Variants in MIER2 observed in about 807,000 individuals in gnomAD.
The protein encoded by MIER2 is MIER family member 2.
A neutral mutation model predicts 67.6 loss-of-function variants in MIER2; 30 were observed. The ratio of observed to expected loss-of-function variants is 0.44; its 90% CI spans 0.33 to 0.60. MIER2 has a LOEUF of 0.60. Among genes scored for constraint, MIER2 ranks in the 20% least tolerant of loss-of-function variants. The pLI, the probability that MIER2 is intolerant of heterozygous loss-of-function variation, is 0.02. For synonymous variants in MIER2, 372 were observed against 312.6 expected, an observed-to-expected ratio of 1.19 and a Z score of -2.00; for missense variants, 702 against 745.1, an observed-to-expected ratio of 0.94 and a Z score of 0.67.
chr19:343,188 C>T (rs1180318618), intron 1 of MIER2, among the ~76,000 whole-genome samples: 1 of 152,226 alleles, frequency 6.6e-6, no homozygotes, highest in Non-Finnish European at 1.5e-5. Context: ...TGCACATTTA[C>T]GGAGCTCAGC....
intron 3 of MIER2, among the ~76,000 whole-genome samples, chr19:333,937 G>A (rs564118017): frequency 1.3e-5 from 2 of 151,592 alleles, no homozygotes; most frequent in African/African-American, 2.4e-5. Flanking sequence ...TGTGATCCGC[G>A]CACCTCGGCC....
chr19:310,734 T>TAGAAACACGGCCCGGAGCTGC (rs1970958294), intron 10 of MIER2, among the ~76,000 whole-genome samples: 1 of 112,684 alleles, frequency 8.9e-6, no homozygotes, highest in African/African-American at 4.3e-5. Context: ...CCCGGAGCTG[T>TAGAAACACGGCCCGGAGCTGC]AGAAACACAG....
intron 10 of MIER2, among the ~76,000 whole-genome samples, chr19:309,276 G>A (rs561921887): frequency 1.7e-4 from 26 of 152,124 alleles, no homozygotes; most frequent in African/African-American, 4.6e-4. Flanking sequence ...CATGAGCCAC[G>A]GGCCAGTTGC....
Position 307,172 on chromosome 19 carries a change from C to G in MIER2, c.1563G>C (p.Leu521=), listed in dbSNP as rs1291675891. 6.3e-7 allele frequency: 1 copy of G among 1,588,572 alleles called. No homozygotes were observed. Among genetic ancestry groups the G allele is most frequent in the Admixed American group, 1.8e-5 (1 of 56,272 alleles). ...GGGCCGGGCACGTGGGGTGGGCGGC[C>G]AGGAAGGGGTTCACGTCCCCAATGC... ...LIGIGDVNPF[L]AAHPTCPAPG... is the part of the protein sequence containing the mutation. The change falls in exon 13 of 14, where the codon CTG becomes CTC. Residue 521 remains leucine, a synonymous_variant. Coordinates refer to ENST00000264819, the MANE Select transcript of MIER2 (RefSeq NM_017550.3).
chr19:312,366 G>A (rs182214167), intron 8 of MIER2, 94 bp from the exon 9 acceptor site: 52 of 1,220,602 alleles, frequency 4.3e-5, no homozygotes, highest in African/African-American at 3.9e-4. Flanking sequence ...ATCAGGGGCC[G>A]TCCACACCAC....
At chr19:316,405 G>A (rs1238403769) in intron 7 of MIER2, among the ~76,000 whole-genome samples, 1 of 151,986 alleles carries the variant, frequency 6.6e-6, no homozygotes, top group Non-Finnish European at 1.5e-5. Context: ...CGATTCTCCT[G>A]CCTCAGCCTC....
Position 324,422 on chromosome 19 carries a change from C to G in MIER2, c.655+1213G>C, listed in dbSNP as rs1181418966. On this transcript the variant is annotated intron_variant, in intron 7 of 13. Transcript: ENST00000264819. ...AGGCGTCATCACAATGCAATAAAGA[C>G]ACACACAACCACGCAGACGACTCGA... 2.7e-5 allele frequency among the ~76,000 whole-genome samples: 3 copies of G among 111,612 alleles called. 1 individual carries two copies. Among genetic ancestry groups the G allele is most frequent in the Non-Finnish European group, 5.3e-5 (3 of 56,440 alleles). 73.2% of individuals were successfully genotyped at this position (111,612 alleles called of 152,430 possible).
chr19:314,689 A>T (rs575690309), intron 7 of MIER2, among the ~76,000 whole-genome samples: 15 of 152,044 alleles, frequency 9.9e-5, no homozygotes, highest in Admixed American at 4.6e-4. Flanking sequence ...CACAGGCGAC[A>T]CCTGAGCCCT....
At chr19:325,847 C>G (rs750624153) in intron 6 of MIER2, 143 bp from the exon 7 acceptor site, 2 of 866,666 alleles carry the variant, frequency 2.3e-6, no homozygotes, top group African/African-American at 3.3e-5. Context: ...CCTGCTGATG[C>G]CCAGTTCTGG....
chr19:326,359 G>A (rs946654969), intron 6 of MIER2, 148 bp downstream of exon 6: 5 of 689,636 alleles, frequency 7.3e-6, no homozygotes, highest in South Asian at 3.3e-5. Context: ...GCAGAGCCAC[G>A]GCCGGGATGC....
chr19:330,538 C>A (rs1486494022), intron 3 of MIER2, among the ~76,000 whole-genome samples: 1 of 149,126 alleles, frequency 6.7e-6, no homozygotes, highest in Non-Finnish European at 1.5e-5. Context: ...GACAGCGAGA[C>A]CCTGTCTCAA....
chr19:316,794 C>T (rs564419462), intron 7 of MIER2, among the ~76,000 whole-genome samples: 13 of 151,992 alleles, frequency 8.6e-5, no homozygotes, highest in African/African-American at 3.1e-4. Flanking sequence ...CACAGTGACA[C>T]CTCATCCCTA....
At position 336,095 on chromosome 19, in the gene MIER2, G is replaced by A. The variant is rs1972242272; in HGVS notation, c.88C>T (p.Gln30Ter). Residue 30 changes from glutamine (Q) to a stop codon, truncating the protein, a stop_gained, in exon 2 of 14, where the codon CAG becomes TAG. Transcript: ENST00000264819. LOFTEE classifies it high-confidence loss of function. ...HSLCPGEPGL[Q>*]TTAVVSMGSG... ...GGGAGGAAGGTACCTGCTGTTGTCT[G>A]CAAGCCCGGCTCCCCTGGGCACAGG... 6.2e-7 allele frequency: 1 copy of A among 1,613,772 alleles called. No individual in the cohort carries two copies. The highest frequency in any genetic ancestry group is 1.1e-5 in the South Asian group (1 of 91,038).
At chr19:317,104 C>T (rs1971267372) in intron 7 of MIER2, among the ~76,000 whole-genome samples, 1 of 152,132 alleles carries the variant, frequency 6.6e-6, no homozygotes. Context: ...AATTAAAAAA[C>T]AAACAACAGG....
rs116141180 is a variant in MIER2, at chr19:310,936, C to A, written c.984+909G>T. Reference sequence around the variant, plus strand: ...GCACCACACTCCAGCCACACCTCGCCCCGCTGTCTCCAATCAAAACACCAC... The same window carrying A: ...GCACCACACTCCAGCCACACCTCGCACCGCTGTCTCCAATCAAAACACCAC... On this transcript the variant is annotated intron_variant, in intron 10 of 13. Transcript: ENST00000264819. 4.3e-3 allele frequency among the ~76,000 whole-genome samples: 650 copies of A among 152,322 alleles called. 5 individuals are homozygous for A. Among genetic ancestry groups the A allele is most frequent in the African/African-American group, 0.015 (618 of 41,570 alleles).
chr19:322,961 A>G (rs976344340), intron 7 of MIER2, among the ~76,000 whole-genome samples: 2 of 151,842 alleles, frequency 1.3e-5, no homozygotes, highest in Non-Finnish European at 2.9e-5. Context: ...AAGGACCACA[A>G]TGGAACACAC....
At chr19:334,375 G>T (rs757653039) in intron 3 of MIER2, 25 bp downstream of exon 3, 1 of 1,613,320 alleles carries the variant, frequency 6.2e-7, no homozygotes, top group South Asian at 1.1e-5. Flanking sequence ...CCCAACACAG[G>T]GGCAGGATCA....
At position 327,979 on chromosome 19, in the gene MIER2, A is replaced by G. The variant is rs779339734; in HGVS notation, c.254T>C (p.Met85Thr). Residue 85 changes from methionine (M) to threonine (T), a missense_variant, in exon 4 of 14, where the codon ATG becomes ACG. Met to Thr is a moderately conservative substitution (Grantham distance 81). Transcript: ENST00000264819. The stretch of plus-strand genomic sequence containing the variant: ...GAGCGCAAGCAGCTCATCAAAGGGC[A>G]TGTCGTTGCTCTGAGTTGGGGAAGG... ...EKDFISQSND[M>T]PFDELLALYG... The G allele has an allele frequency of 1.2e-6, 2 of 1,613,196 alleles. No homozygotes were observed. The highest frequency in any genetic ancestry group is 1.7e-6 in the Non-Finnish European group (2 of 1,179,566).
chr19:330,703 C>A (rs1309502746), intron 3 of MIER2, among the ~76,000 whole-genome samples: 1 of 152,016 alleles, frequency 6.6e-6, no homozygotes, highest in Non-Finnish European at 1.5e-5. Context: ...GGGCCCTGAT[C>A]CAACAGGATT....
Sources: gnomAD v4.1 joint callset for allele counts (sites outside exome capture counted in the v4.1 genomes callset) on GRCh38, gnomAD v4.1.1 for gene constraint, MANE v1.5 for transcripts, NCBI Gene and HGNC (gene_info 2026-07-23, HGNC 2026-07-21) for gene names.